KAZN: variants seen among roughly 807,000 people sequenced by gnomAD.
KAZN encodes the protein kazrin.
Under a neutral mutation model 87.4 loss-of-function variants are expected in KAZN, and 40 were observed. The observed-to-expected ratio is 0.46, with a 90% CI of 0.36 to 0.60. The LOEUF is 0.60. Among genes scored for constraint, KAZN ranks in the 20% least tolerant of loss-of-function variants. KAZN has a pLI of 0.00. For missense variants in KAZN, 898 were observed against 1,073.9 expected (o/e 0.84, Z 2.29); for synonymous variants, 466 against 458.3 (o/e 1.02, Z -0.22).
exon 1 of KAZN, chr1:13,893,754 C>T: frequency 1.3e-6 from 2 of 1,550,454 alleles, no homozygotes; most frequent in Non-Finnish European, 8.7e-7. Flanking sequence ...CTTATGCAAG[C>T]AGGTAGGAAT....
chr1:14,612,348 G>A (rs1677890096), intron 1 of KAZN, among the ~76,000 whole-genome samples: 1 of 152,184 alleles, frequency 6.6e-6, no homozygotes, highest in Non-Finnish European at 1.5e-5. Context: ...CTTCATCACT[G>A]ACTTCAAAAG....
intron 2 of KAZN, among the ~76,000 whole-genome samples, chr1:14,422,788 T>C (rs1665508437): frequency 6.6e-6 from 1 of 152,220 alleles, no homozygotes; most frequent in Admixed American, 6.5e-5. Context: ...CTGGGGGCAA[T>C]GTGAACATTC....
chr1:14,368,119 T>C (rs748835329), intron 2 of KAZN, among the ~76,000 whole-genome samples: 2 of 152,180 alleles, frequency 1.3e-5, no homozygotes, highest in African/African-American at 2.4e-5. Flanking sequence ...TACGTGCAGA[T>C]ACAACACATA....
At chr1:14,543,596 G>A (rs1033889391) in intron 2 of KAZN, among the ~76,000 whole-genome samples, 2 of 152,178 alleles carry the variant, frequency 1.3e-5, no homozygotes, top group Admixed American at 1.3e-4. Context: ...AAGTTTAATA[G>A]CACCCCTTTT....
chr1:15,045,894 C>T (rs575461626), intron 4 of KAZN, among the ~76,000 whole-genome samples: 1 of 152,330 alleles, frequency 6.6e-6, no homozygotes, highest in South Asian at 2.1e-4. Flanking sequence ...CCACCTGGTC[C>T]TTCCCTTGAC....
At chr1:14,157,439 T>C (rs1645617988) in intron 1 of KAZN, among the ~76,000 whole-genome samples, 1 of 152,206 alleles carries the variant, frequency 6.6e-6, no homozygotes, top group South Asian at 2.1e-4. Context: ...CCCCAGCTTT[T>C]GTTTGTCTGA....
At chr1:14,470,995 G>C (rs1668425039) in intron 2 of KAZN, among the ~76,000 whole-genome samples, 1 of 152,168 alleles carries the variant, frequency 6.6e-6, no homozygotes, top group African/African-American at 2.4e-5. Flanking sequence ...GAGATTTCCT[G>C]CCAATGTCCA....
chr1:14,977,664 T>C (rs1427903313), intron 2 of KAZN, among the ~76,000 whole-genome samples: 1 of 152,210 alleles, frequency 6.6e-6, no homozygotes, highest in African/African-American at 2.4e-5. Context: ...TTCGGGTGAC[T>C]GCAGATTGCG....
intron 2 of KAZN, among the ~76,000 whole-genome samples, chr1:14,530,948 C>T (rs1169625906): frequency 6.6e-6 from 1 of 152,080 alleles, no homozygotes; most frequent in East Asian, 1.9e-4. Context: ...TGCTGTGCAC[C>T]TGTAGCCCCA....
At chr1:14,138,666 G>A (rs1399291665) in intron 1 of KAZN, among the ~76,000 whole-genome samples, 1 of 152,168 alleles carries the variant, frequency 6.6e-6, no homozygotes, top group Non-Finnish European at 1.5e-5. Flanking sequence ...GTACATCGCA[G>A]AGCCCAGGCT....
chr1:14,727,497 G>C (rs570799543), intron 1 of KAZN, among the ~76,000 whole-genome samples: 50 of 37,046 alleles, frequency 1.3e-3, no homozygotes, highest in African/African-American at 4.2e-3. Context: ...TTTTTTTTTT[G>C]AGAAAGAGTT....
intron 2 of KAZN, among the ~76,000 whole-genome samples, chr1:14,522,757 T>C (rs1286781302): frequency 6.6e-6 from 1 of 152,222 alleles, no homozygotes; most frequent in African/African-American, 2.4e-5. Context: ...ATAGATCTTT[T>C]GTGTGTGTTT....
At chr1:14,438,818 A>G (rs1191857219) in intron 2 of KAZN, among the ~76,000 whole-genome samples, 1 of 152,212 alleles carries the variant, frequency 6.6e-6, no homozygotes, top group African/African-American at 2.4e-5. Flanking sequence ...AAGTCTTCCA[A>G]AGTTCCTCGT....
At chr1:14,509,412 G>A (rs865804132) in intron 2 of KAZN, among the ~76,000 whole-genome samples, 20 of 152,186 alleles carry the variant, frequency 1.3e-4, no homozygotes, top group African/African-American at 4.1e-4. Context: ...ACCAACCAGT[G>A]TGGCATGTCC....
chr1:14,787,115 C>T (rs923207063), intron 1 of KAZN, among the ~76,000 whole-genome samples: 3 of 152,146 alleles, frequency 2.0e-5, no homozygotes, highest in African/African-American at 7.2e-5. Flanking sequence ...TAACTTGGAG[C>T]TTTGATTCTG....
intron 4 of KAZN, among the ~76,000 whole-genome samples, chr1:15,054,189 T>C (rs1346854027): frequency 6.6e-6 from 1 of 151,904 alleles, no homozygotes; most frequent in African/African-American, 2.4e-5. Context: ...ATTAGATGGA[T>C]TTTTTTGTTG....
At chr1:14,246,285 C>T (rs1051080196) in intron 2 of KAZN, among the ~76,000 whole-genome samples, 2 of 151,972 alleles carry the variant, frequency 1.3e-5, no homozygotes, top group South Asian at 4.1e-4. Flanking sequence ...ACACATTTAC[C>T]TATGTGGCAA....
At chr1:14,318,238 C>T (rs986145165) in intron 2 of KAZN, among the ~76,000 whole-genome samples, 1 of 152,106 alleles carries the variant, frequency 6.6e-6, no homozygotes. Context: ...TCTTGTAACA[C>T]AAGCCTTTCA....
chr1:14,031,575 G>T (rs1641329960), intron 1 of KAZN, among the ~76,000 whole-genome samples: 1 of 152,196 alleles, frequency 6.6e-6, no homozygotes, highest in African/African-American at 2.4e-5. Context: ...TCCTATGAAT[G>T]AGAGGCAGAA....
Sources: gnomAD v4.1 joint callset for allele counts (sites outside exome capture counted in the v4.1 genomes callset) on GRCh38, gnomAD v4.1.1 for gene constraint, MANE v1.5 for transcripts, NCBI Gene and HGNC (gene_info 2026-07-23, HGNC 2026-07-21) for gene names.